Variants in AGBL4 observed in about 807,000 individuals in gnomAD.
AGBL4 encodes the protein cytosolic carboxypeptidase 6.
Under a neutral mutation model 66.4 loss-of-function variants are expected in AGBL4, and 58 were observed. The ratio of observed to expected loss-of-function variants is 0.87; its 90% CI spans 0.71 to 1.09. The LOEUF is 1.09. Among genes scored for constraint, AGBL4 ranks in the 50% least tolerant of loss-of-function variants. AGBL4 has a pLI of 0.00. For synonymous variants in AGBL4, 234 were observed against 222.9 expected (o/e 1.05, Z -0.44); for missense variants, 579 against 631.0 (o/e 0.92, Z 0.88).
intron 4 of AGBL4, among the ~76,000 whole-genome samples, chr1:49,048,635 C>T (rs1286315944): frequency 6.6e-6 from 1 of 151,970 alleles, no homozygotes; most frequent in Non-Finnish European, 1.5e-5. Context: ...GAGGAAAAAA[C>T]GTCTCCTTCA....
rs185630137 is a variant in AGBL4, at chr1:49,151,742, G to A, written c.377+94028C>T. Among the ~76,000 whole-genome samples, 61 of 152,284 alleles carry A rather than the reference G, an allele frequency of 4.0e-4. No homozygotes were observed. The East Asian group carries it at 0.011, about 27-fold the overall frequency. On this transcript the variant is annotated intron_variant, in intron 4 of 13. Coordinates refer to ENST00000371839, the MANE Select transcript of AGBL4 (RefSeq NM_032785.4). ...GGTCCCCTCTGAAGAATTACAACGT[G>A]TAGTAGCATATTTCAGTGTTGTAAA...
chr1:48,972,182 C>T (rs1382257748), intron 5 of AGBL4, among the ~76,000 whole-genome samples: 2 of 152,062 alleles, frequency 1.3e-5, no homozygotes. Context: ...ATGAAAAGTC[C>T]CCACGCCTAG....
chr1:49,173,555 T>C (rs1013463340), intron 4 of AGBL4, among the ~76,000 whole-genome samples: 1 of 152,196 alleles, frequency 6.6e-6, no homozygotes, highest in Non-Finnish European at 1.5e-5. Flanking sequence ...GAGTGATCCA[T>C]ACAGACAAAT....
At chr1:48,557,824 A>C (rs975170493) in intron 11 of AGBL4, among the ~76,000 whole-genome samples, 2 of 152,148 alleles carry the variant, frequency 1.3e-5, no homozygotes, top group African/African-American at 4.8e-5. Flanking sequence ...GAGAGAACAA[A>C]GAAGCGCACA....
chr1:48,974,897 C>T (rs189579118), intron 5 of AGBL4, among the ~76,000 whole-genome samples: 75 of 152,164 alleles, frequency 4.9e-4, no homozygotes, highest in Non-Finnish European at 6.6e-4. Flanking sequence ...GCATACCTTC[C>T]CTATATTTTT....
intron 5 of AGBL4, among the ~76,000 whole-genome samples, chr1:48,912,496 C>A (rs1653220353): frequency 6.6e-6 from 1 of 152,154 alleles, no homozygotes; most frequent in African/African-American, 2.4e-5. Flanking sequence ...TTGTCCAGAC[C>A]ACTGCCACTG....
At chr1:48,840,915 A>G (rs987206860) in intron 6 of AGBL4, among the ~76,000 whole-genome samples, 1 of 151,408 alleles carries the variant, frequency 6.6e-6, no homozygotes, top group African/African-American at 2.4e-5. Context: ...ATTGAATAAT[A>G]CAAGTCTAAG....
At chr1:49,736,838 A>C (rs1186027704) in intron 2 of AGBL4, among the ~76,000 whole-genome samples, 1 of 152,124 alleles carries the variant, frequency 6.6e-6, no homozygotes, top group Non-Finnish European at 1.5e-5. Context: ...AAACTTCATT[A>C]AGAAATGGGC....
intron 9 of AGBL4, among the ~76,000 whole-genome samples, chr1:48,626,704 G>A (rs529884998): frequency 6.0e-5 from 9 of 150,914 alleles, no homozygotes; most frequent in African/African-American, 2.0e-4. Context: ...CCCTGGCAGA[G>A]GACTTCATAT....
At chr1:49,069,915 T>G (rs1251266032) in intron 4 of AGBL4, among the ~76,000 whole-genome samples, 1 of 151,996 alleles carries the variant, frequency 6.6e-6, no homozygotes, top group African/African-American at 2.4e-5. Flanking sequence ...CCTTGAGCAG[T>G]GGTCTGTAGT....
At chr1:49,500,991 A>T (rs1648102258) in intron 3 of AGBL4, among the ~76,000 whole-genome samples, 1 of 152,082 alleles carries the variant, frequency 6.6e-6, no homozygotes, top group African/African-American at 2.4e-5. Flanking sequence ...CACAATATTA[A>T]TTCTATCCAT....
chr1:48,972,315 T>C (rs757794879), intron 5 of AGBL4, among the ~76,000 whole-genome samples: 3 of 152,084 alleles, frequency 2.0e-5, no homozygotes, highest in Non-Finnish European at 4.4e-5. Context: ...TTATAAGTAA[T>C]ATTGTGAAAT....
rs553634334 is a variant in AGBL4, at chr1:49,054,736, C to T, written c.378-8936G>A. Among the ~76,000 whole-genome samples the T allele has an allele frequency of 1.1e-3, 162 of 151,940 alleles. 1 individual carries two copies. Among genetic ancestry groups the T allele is most frequent in the African/African-American group, 3.8e-3 (158 of 41,512 alleles). ...TTCATAAAGTTTTAGAAAGCCAGAC[C>T]ACACTTTCTGTCTTTACTGTCTGAC... On this transcript the variant is annotated intron_variant, in intron 4 of 13. Coordinates refer to ENST00000371839, the MANE Select transcript of AGBL4 (RefSeq NM_032785.4).
chr1:48,945,739 T>C (rs1188037203), intron 5 of AGBL4, among the ~76,000 whole-genome samples: 1 of 152,150 alleles, frequency 6.6e-6, no homozygotes, highest in African/African-American at 2.4e-5. Context: ...TTATTTACTG[T>C]CAAGAGGCAA....
At chr1:49,129,468 C>G (rs1429754903) in intron 4 of AGBL4, among the ~76,000 whole-genome samples, 1 of 151,546 alleles carries the variant, frequency 6.6e-6, no homozygotes, top group Non-Finnish European at 1.5e-5. Flanking sequence ...CCCACCTCCC[C>G]CAACCCCACA....
intron 5 of AGBL4, among the ~76,000 whole-genome samples, chr1:49,006,582 A>T (rs975330718): frequency 1.3e-5 from 2 of 152,140 alleles, no homozygotes; most frequent in Admixed American, 1.3e-4. Flanking sequence ...CAGGGCACAG[A>T]CAAACAAAAA....
At chr1:49,089,575 A>G (rs368631748) in intron 4 of AGBL4, among the ~76,000 whole-genome samples, 3 of 152,262 alleles carry the variant, frequency 2.0e-5, no homozygotes, top group African/African-American at 7.2e-5. Context: ...CAGAACAATA[A>G]TAAGTTCTGA....
chr1:49,768,288 C>T (rs960805605), intron 2 of AGBL4, among the ~76,000 whole-genome samples: 11 of 152,174 alleles, frequency 7.2e-5, no homozygotes, highest in Admixed American at 2.0e-4. Flanking sequence ...AAAAAATTAA[C>T]AAACTGAATC....
At chr1:49,813,756 T>C (rs1392564150) in intron 2 of AGBL4, among the ~76,000 whole-genome samples, 1 of 152,008 alleles carries the variant, frequency 6.6e-6, no homozygotes. Flanking sequence ...TGATGGTAAG[T>C]GCTAAGAACA....
Sources: allele counts gnomAD v4.1 joint callset (sites outside exome capture counted in the v4.1 genomes callset), GRCh38; gene constraint gnomAD v4.1.1; transcripts MANE v1.5; gene names NCBI Gene and HGNC (gene_info 2026-07-23, HGNC 2026-07-21).